Variants in OSTF1 observed in about 807,000 individuals in gnomAD.
OSTF1 encodes the protein osteoclast-stimulating factor 1.
OSTF1 carries 27 observed loss-of-function variants against 37.2 expected under a neutral mutation model. The observed-to-expected ratio is 0.73, with a 90% CI of 0.54 to 1.00. The LOEUF (loss-of-function observed/expected upper bound fraction) is 1.00, where lower values mean the gene tolerates loss of function less well. OSTF1 is among the 50% of genes least tolerant of loss of function. The probability of loss-of-function intolerance (pLI) is 0.00; values close to 1 mark genes in which losing one functional copy is unlikely to be tolerated. For missense variants in OSTF1, 232 were observed against 253.8 expected, an observed-to-expected ratio of 0.91 and a Z score of 0.58; for synonymous variants, 82 against 89.2, an observed-to-expected ratio of 0.92 and a Z score of 0.46.
chr9:75,127,164 C>T (rs2118560187), intron 2 of OSTF1, among the ~76,000 whole-genome samples: 1 of 152,196 alleles, frequency 6.6e-6, no homozygotes, highest in African/African-American at 2.4e-5. Flanking sequence ...GGATTGAGGC[C>T]TTGTTTAAGA....
chr9:75,099,166 G>A (rs541767804), intron 1 of OSTF1, among the ~76,000 whole-genome samples: 194 of 152,022 alleles, frequency 1.3e-3, no homozygotes, highest in Non-Finnish European at 2.4e-3. Flanking sequence ...TCGAACTCCT[G>A]ATCTTAGGTA....
Position 75,133,343 on chromosome 9 carries a change from T to A in OSTF1, c.300T>A (p.Asn100Lys). ...GTTTGGACAACAGAGTGGGTGTTAA[T>A]GGCTTAGACAAAGCTGGAAGCACTG... Reference protein sequence around the residue: ...RECLDNRVGVNGLDKAGSTAL... With the variant: ...RECLDNRVGVKGLDKAGSTAL... Residue 100 changes from asparagine to lysine, a missense_variant, in exon 6 of 10, where the codon AAT becomes AAA. By Grantham distance (94) the Asn-to-Lys change is moderately conservative (BLOSUM62 0). Coordinates refer to ENST00000346234, the MANE Select transcript of OSTF1 (RefSeq NM_012383.5). The A allele has an allele frequency of 6.2e-7, 1 of 1,613,466 alleles. No homozygotes were observed. The highest frequency in any genetic ancestry group is 8.5e-7 in the Non-Finnish European group (1 of 1,179,448).
chr9:75,102,825 C>T (rs1825217150), intron 1 of OSTF1, among the ~76,000 whole-genome samples: 1 of 152,290 alleles, frequency 6.6e-6, no homozygotes, highest in South Asian at 2.1e-4. Context: ...ATGTCACCTC[C>T]CACAATAGCC....
At chr9:75,111,343 G>A (rs1480188698) in intron 1 of OSTF1, among the ~76,000 whole-genome samples, 1 of 152,166 alleles carries the variant, frequency 6.6e-6, no homozygotes, top group Non-Finnish European at 1.5e-5. Context: ...AAAATACAGT[G>A]TTTGGCTGAT....
At chr9:75,120,489 C>A (rs1305210438) in intron 2 of OSTF1, among the ~76,000 whole-genome samples, 1 of 152,144 alleles carries the variant, frequency 6.6e-6, no homozygotes, top group African/African-American at 2.4e-5. Context: ...CTCCTCGAAT[C>A]TAGAATGGGA....
chr9:75,128,977 G>A (rs550370306), intron 3 of OSTF1, among the ~76,000 whole-genome samples: 1 of 152,108 alleles, frequency 6.6e-6, no homozygotes, highest in East Asian at 1.9e-4. Context: ...AAATGTACAG[G>A]CTTCTTTGAG....
At chr9:75,122,072 CT>C (rs1284558465) in intron 2 of OSTF1, among the ~76,000 whole-genome samples, 1 of 152,176 alleles carries the variant, frequency 6.6e-6, no homozygotes, top group Non-Finnish European at 1.5e-5. Context: ...CCATTTGGTT[CT>C]TTTTTCTCAC....
At chr9:75,097,722 TG>T (rs1293834650) in intron 1 of OSTF1, among the ~76,000 whole-genome samples, 1 of 151,284 alleles carries the variant, frequency 6.6e-6, no homozygotes, top group African/African-American at 2.4e-5. Flanking sequence ...TCATTATGAG[TG>T]GGATGAACTT....
At chr9:75,115,351 G>T (rs2118505382) in intron 1 of OSTF1, among the ~76,000 whole-genome samples, 1 of 152,182 alleles carries the variant, frequency 6.6e-6, no homozygotes, top group South Asian at 2.1e-4. Context: ...GAGTGTAGTG[G>T]CGTGATCTCA....
intron 8 of OSTF1, 117 bp downstream of exon 8, chr9:75,137,733 CCTTTGCTCTG>C: frequency 4.4e-6 from 3 of 679,584 alleles, no homozygotes; most frequent in African/African-American, 1.8e-5. Flanking sequence ...TAGGGTTTAA[CCTTTGCTCTG>C]CCTGTGTATC....
rs1825769235 is a variant in OSTF1, at chr9:75,132,053, C to G, written c.250+230C>G. ...GTGATTTTAGTTTTAAAATGTCAGT[C>G]AAGAAACACTGTTGTGGGGAGATGC... On this transcript the variant is annotated intron_variant, in intron 5 of 9. Transcript: ENST00000346234. Among the ~76,000 whole-genome samples, 4 of 152,142 alleles carry G rather than the reference C, an allele frequency of 2.6e-5. No individual in the cohort carries two copies. The South Asian group carries it at 8.3e-4, about 32-fold the overall frequency.
At chr9:75,146,125 C>T (rs1826019817) in intron 9 of OSTF1, among the ~76,000 whole-genome samples, 1 of 152,200 alleles carries the variant, frequency 6.6e-6, no homozygotes, top group African/African-American at 2.4e-5. Context: ...CAGATGTCTT[C>T]CTTTTGAGTC....
intron 9 of OSTF1, among the ~76,000 whole-genome samples, chr9:75,143,259 T>C (rs769062712): frequency 2.4e-4 from 36 of 152,306 alleles, no homozygotes; most frequent in Non-Finnish European, 4.7e-4. Context: ...AGTACAAAAA[T>C]TCACATTTTG....
chr9:75,116,504 G>A (rs1379985144), intron 1 of OSTF1, among the ~76,000 whole-genome samples: 1 of 152,070 alleles, frequency 6.6e-6, no homozygotes, highest in Non-Finnish European at 1.5e-5. Flanking sequence ...GAGAAAGGAG[G>A]AAGTATTGTT....
chr9:75,122,061 C>T lies in OSTF1; in HGVS notation c.81+4511C>T, dbSNP rs570290587. On this transcript the variant is annotated intron_variant, in intron 2 of 9. Coordinates refer to ENST00000346234, the MANE Select transcript of OSTF1 (RefSeq NM_012383.5). ...CAAGGGTGTCTTGGCACCACCCAGC[C>T]CCATTTGGTTCTTTTTTCTCACCCA... 7.2e-5 allele frequency among the ~76,000 whole-genome samples: 11 copies of T among 152,312 alleles called. No individual in the cohort carries two copies. In the South Asian group the frequency reaches 2.3e-3, roughly 32 times the overall value.
At chr9:75,118,556 A>C (rs1271940340) in intron 2 of OSTF1, among the ~76,000 whole-genome samples, 1 of 152,114 alleles carries the variant, frequency 6.6e-6, no homozygotes, top group Non-Finnish European at 1.5e-5. Flanking sequence ...AAAGGAAAGA[A>C]ACCAAGAAGA....
chr9:75,092,206 A>G (rs1450211675), intron 1 of OSTF1, among the ~76,000 whole-genome samples: 1 of 152,196 alleles, frequency 6.6e-6, no homozygotes, highest in African/African-American at 2.4e-5. Flanking sequence ...CACATCCCCA[A>G]CAGGGGGCCG....
At chr9:75,140,696 G>A (rs1825927783) in intron 8 of OSTF1, 138 bp from the exon 9 acceptor site, 2 of 582,492 alleles carry the variant, frequency 3.4e-6, no homozygotes, top group East Asian at 5.9e-5. Flanking sequence ...AAAGTTTATT[G>A]TTTTGAGAAC....
intron 5 of OSTF1, 39 bp from the exon 6 acceptor site, chr9:75,133,254 CT>C (rs1241867110): frequency 1.6e-6 from 2 of 1,261,136 alleles, no homozygotes; most frequent in Admixed American, 2.0e-5. Context: ...AAAGTGAAAG[CT>C]TTTTTTCTTG....
Sources: gnomAD v4.1 joint callset for allele counts (sites outside exome capture counted in the v4.1 genomes callset) on GRCh38, gnomAD v4.1.1 for gene constraint, MANE v1.5 for transcripts, NCBI Gene and HGNC (gene_info 2026-07-23, HGNC 2026-07-21) for gene names.